The following IFT140 variants were observed in gnomAD, a reference collection of about 807,000 sequenced individuals.
IFT140 encodes the protein intraflagellar transport protein 140 homolog.
Under a neutral mutation model 164.6 loss-of-function variants are expected in IFT140, and 133 were observed. The ratio of observed to expected loss-of-function variants is 0.81; its 90% CI spans 0.70 to 0.93. IFT140 has a LOEUF of 0.93. Among genes scored for constraint, IFT140 ranks in the 40% least tolerant of loss-of-function variants. IFT140 has a pLI of 0.00. For missense variants in IFT140, 2,045 were observed against 1,972.3 expected (o/e 1.04, Z -0.70); for synonymous variants, 860 against 817.3 (o/e 1.05, Z -0.89).
intron 24 of IFT140, 38 bp from the exon 25 acceptor site, chr16:1,523,994 C>A: frequency 6.3e-7 from 1 of 1,598,374 alleles, no homozygotes; most frequent in Non-Finnish European, 8.5e-7. Flanking sequence ...GCGGCTCCCA[C>A]TGGCTTCCCC....
At chr16:1,546,645 C>T (rs1176840855) in intron 19 of IFT140, among the ~76,000 whole-genome samples, 3 of 152,194 alleles carry the variant, frequency 2.0e-5, no homozygotes, top group Non-Finnish European at 2.9e-5. Flanking sequence ...CTGTCTCCCT[C>T]GGGGGCGCAA....
intron 14 of IFT140, among the ~76,000 whole-genome samples, chr16:1,569,208 C>A (rs111316971): frequency 2.0e-5 from 3 of 152,082 alleles, no homozygotes; most frequent in South Asian, 4.1e-4. Context: ...GGGGTTTCAC[C>A]GTGTTAGCCA....
At chr16:1,568,366 C>G (rs749786514) in intron 14 of IFT140, 32 bp from the exon 15 acceptor site, 1 of 1,534,700 alleles carries the variant, frequency 6.5e-7, no homozygotes, top group South Asian at 1.1e-5. Flanking sequence ...TCAGTGCCCG[C>G]CAGAGGCCCA....
In IFT140 at chr16:1,553,282, G is replaced by A; in HGVS notation, c.2399+4653C>T. 1 of 980,558 alleles carries A rather than the reference G, an allele frequency of 1.0e-6. No homozygotes were observed. The highest frequency in any genetic ancestry group is 1.2e-6 in the Non-Finnish European group (1 of 825,800). 60.7% of individuals were successfully genotyped at this position (980,558 alleles called of 1,614,324 possible). A position where few individuals can be genotyped will look rare whatever the true frequency, so the allele number is the denominator to read the frequency against. On this transcript the variant is annotated intron_variant, in intron 19 of 30. Coordinates refer to ENST00000426508, the MANE Select transcript of IFT140 (RefSeq NM_014714.4). The surrounding 1 kb of genome is among the most constrained non-coding windows in gnomAD (Gnocchi z 4.4). ...TATCTCTCTTGGTCTCTGTCTCTCT[G>A]TGTCTCTGCCTGTCTCTCTGTGTCT...
chr16:1,605,528 C>G (rs568006959), intron 3 of IFT140, among the ~76,000 whole-genome samples: 5 of 152,278 alleles, frequency 3.3e-5, no homozygotes, highest in Admixed American at 6.5e-5. Context: ...GCCTCAGCCT[C>G]CTGAGTAGCT....
chr16:1,545,048 C>A (rs558001894), intron 19 of IFT140, among the ~76,000 whole-genome samples: 28 of 152,236 alleles, frequency 1.8e-4, no homozygotes, highest in Non-Finnish European at 3.8e-4. Context: ...TTACTTCCTG[C>A]AAAATCTTAT....
chr16:1,553,220 GTC>G lies in IFT140; in HGVS notation c.2399+4713_2399+4714del. The G allele has an allele frequency of 1.0e-6, 1 of 977,358 alleles. No homozygotes were observed. The highest frequency in any genetic ancestry group is 4.7e-5 in the South Asian group (1 of 21,088). The allele number at this position is 977,358 out of a possible 1,614,324, so 60.5% of individuals were successfully genotyped here. On this transcript the variant is annotated intron_variant, in intron 19 of 30. Coordinates refer to ENST00000426508, the MANE Select transcript of IFT140 (RefSeq NM_014714.4). This position sits in a 1 kb window ranked among gnomAD's most constrained non-coding sequence, Gnocchi z 4.4. ...TGTGTCTCTGTCTCTGTCTCTCTCT[GTC>G]TCCATCTGTCTCTGTGTCTGTCTCT...
intron 19 of IFT140, among the ~76,000 whole-genome samples, chr16:1,534,958 G>A (rs1326616024): frequency 1.3e-5 from 2 of 152,096 alleles, no homozygotes; most frequent in Non-Finnish European, 2.9e-5. Flanking sequence ...TAATCCTAGC[G>A]CTTTGGGAGG....
rs2034521408 is a variant in IFT140, at chr16:1,580,858, G to T, written c.1433-8C>A. ...TCTCACACAAGAAGGTCCCTAAAATGAAAGACGAACATCAGGATGGCGGCC... is the reference window on the plus strand; with the variant it reads ...TCTCACACAAGAAGGTCCCTAAAATTAAAGACGAACATCAGGATGGCGGCC... On this transcript the variant is annotated splice_polypyrimidine_tract_variant and splice_region_variant and intron_variant, in intron 12 of 30. Coordinates refer to ENST00000426508, the MANE Select transcript of IFT140 (RefSeq NM_014714.4). 6.2e-7 allele frequency: 1 copy of T among 1,602,670 alleles called. No individual in the cohort carries two copies. The highest frequency in any genetic ancestry group is 8.5e-7 in the Non-Finnish European group (1 of 1,169,950).
At position 1,568,305 on chromosome 16, in the gene IFT140, C is replaced by T. The variant is rs8050974; in HGVS notation, c.1682G>A (p.Ser561Asn). 7,388 of 1,613,808 alleles carry T rather than the reference C, an allele frequency of 4.6e-3. 289 individuals are homozygous for T. In the African/African-American group the frequency reaches 0.087, roughly 19 times the overall value. ...CACCCCAGGGACCAGCTCCGCCAGG[C>T]TCCTGCAGCTACAGTGTGCTTTGGC... ...REAKAHCSCR[S>N]LAELVPGVGG... is the part of the protein sequence containing the mutation. Residue 561 changes from serine (S) to asparagine (N), a missense_variant, in exon 15 of 31, where the codon AGC (serine) becomes AAC (asparagine). Transcript: ENST00000426508.
chr16:1,555,008 C>A, intron 19 of IFT140: 1 of 1,611,748 alleles, frequency 6.2e-7, no homozygotes, highest in Non-Finnish European at 8.5e-7. Flanking sequence ...ACAATGACTA[C>A]GTGGAGTCAC....
At chr16:1,535,615 C>A (rs1172922570) in intron 19 of IFT140, among the ~76,000 whole-genome samples, 1 of 152,172 alleles carries the variant, frequency 6.6e-6, no homozygotes, top group Non-Finnish European at 1.5e-5. Flanking sequence ...CAGCTCCATC[C>A]CCAACCTGCC....
In IFT140 at chr16:1,531,300, G is replaced by A. The variant is rs1214605546; in HGVS notation, c.2400-4504C>T. On this transcript the variant is annotated intron_variant, in intron 19 of 30. Transcript: ENST00000426508. The surrounding 1 kb of genome is among the most constrained non-coding windows in gnomAD (Gnocchi z 4.7). The stretch of plus-strand genomic sequence containing the variant: ...TGGAACAAGAAGCAGATGGGCGGCA[G>A]GGGACGCAGCCTTCAAAGGTCCTGC... 6.6e-6 allele frequency: 1 copy of A among 152,284 alleles called. No homozygotes were observed. The highest frequency in any genetic ancestry group is 1.5e-5 in the Non-Finnish European group (1 of 68,074). The allele number at this position is 152,284 out of a possible 1,614,324, so 9.4% of individuals were successfully genotyped here.
At chr16:1,571,939 G>A (rs923880133) in intron 13 of IFT140, among the ~76,000 whole-genome samples, 7 of 152,200 alleles carry the variant, frequency 4.6e-5, no homozygotes, top group Non-Finnish European at 7.3e-5. Flanking sequence ...GGAGCTCTGG[G>A]GGGCCCTGTC....
chr16:1,586,018 G>A (rs967277106), intron 10 of IFT140, 112 bp downstream of exon 10: 34 of 1,253,872 alleles, frequency 2.7e-5, no homozygotes, highest in Non-Finnish European at 3.5e-5. Flanking sequence ...TGATCCACCC[G>A]CCTTGGCCTC....
chr16:1,586,003 C>G (rs2034854534), intron 10 of IFT140, 127 bp downstream of exon 10: 3 of 1,061,972 alleles, frequency 2.8e-6, no homozygotes, highest in Non-Finnish European at 2.9e-6. Flanking sequence ...GATCTCCTGA[C>G]CTCATGATCC....
At chr16:1,611,179 C>A (rs2036306154) in intron 1 of IFT140, among the ~76,000 whole-genome samples, 1 of 152,184 alleles carries the variant, frequency 6.6e-6, no homozygotes, top group Non-Finnish European at 1.5e-5. Flanking sequence ...GCCCCGGACT[C>A]CACAGAGCCA....
At chr16:1,520,420 C>T in intron 27 of IFT140, 77 bp from the exon 28 acceptor site, 1 of 1,512,126 alleles carries the variant, frequency 6.6e-7, no homozygotes, top group Non-Finnish European at 9.1e-7. Context: ...AGCAGGAGCT[C>T]TCACAAGAAG....
intron 30 of IFT140, chr16:1,513,293 T>G (rs1202823632): frequency 2.0e-5 from 3 of 152,054 alleles, no homozygotes; most frequent in Non-Finnish European, 4.4e-5. Flanking sequence ...ATCAAGACCA[T>G]CCTGGCTAAC....
Sources: gnomAD v4.1 joint callset for allele counts (sites outside exome capture counted in the v4.1 genomes callset) on GRCh38, gnomAD v4.1.1 for gene constraint, Gnocchi (gnomAD v3.1) non-coding constraint, MANE v1.5 for transcripts, NCBI Gene and HGNC (gene_info 2026-07-23, HGNC 2026-07-21) for gene names.